The following HDAC9 variants were observed in gnomAD, a reference collection of about 807,000 sequenced individuals.
HDAC9 encodes MEF-2 interacting transcription repressor (MITR) protein.
A neutral mutation model predicts 139.4 loss-of-function variants in HDAC9; 41 were observed. That is an observed-to-expected ratio of 0.29 (90% CI 0.23 to 0.38). The LOEUF is 0.38. HDAC9 is among the 10% of genes least tolerant of loss of function. The pLI, the probability that HDAC9 is intolerant of heterozygous loss-of-function variation, is 1.00. For synonymous variants in HDAC9, 517 were observed against 476.2 expected (o/e 1.09, Z -1.12); for missense variants, 1,147 against 1,297.0 (o/e 0.88, Z 1.78).
rs1171055959 is a variant in HDAC9, at chr7:18,946,036, C to CAAAAAAAAAAAAAAA, written c.2938-8086_2938-8072dup. Among the ~76,000 whole-genome samples, 9 of 38,274 alleles carry CAAAAAAAAAAAAAAA rather than the reference C, an allele frequency of 2.4e-4. 1 individual carries two copies. The highest frequency in any genetic ancestry group is 3.6e-4 in the Non-Finnish European group (7 of 19,556). 25.1% of individuals were successfully genotyped at this position (38,274 alleles called of 152,430 possible). ...TGGGTGATAGTACAAGACTCCGTCT[C>CAAAAAAAAAAAAAAA]AAAAAAAAAAAAAAAAAAAAAAAAA... On this transcript the variant is annotated intron_variant, in intron 23 of 25. Coordinates refer to ENST00000686413, the MANE Select transcript of HDAC9 (RefSeq NM_178425.4).
At chr7:18,441,778 G>T (rs1202896674) in intron 1 of HDAC9, among the ~76,000 whole-genome samples, 1 of 152,036 alleles carries the variant, frequency 6.6e-6, no homozygotes, top group Non-Finnish European at 1.5e-5. Flanking sequence ...TGTTGTTGTT[G>T]TTGTTGTTGA....
intron 2 of HDAC9, among the ~76,000 whole-genome samples, chr7:18,275,117 C>T (rs923294059): frequency 6.6e-6 from 1 of 152,192 alleles, no homozygotes; most frequent in African/African-American, 2.4e-5. Context: ...GCTCTACACA[C>T]AGTGTTTCCC....
intron 1 of HDAC9, among the ~76,000 whole-genome samples, chr7:18,331,494 T>C (rs1045390796): frequency 3.3e-5 from 5 of 151,646 alleles, no homozygotes; most frequent in Admixed American, 6.6e-5. Context: ...TGTAGTAAAA[T>C]GTAACTTTTT....
At chr7:18,610,404 A>G (rs1205784621) in intron 6 of HDAC9, among the ~76,000 whole-genome samples, 4 of 152,212 alleles carry the variant, frequency 2.6e-5, no homozygotes, top group Admixed American at 2.0e-4. Context: ...AATTTTGACA[A>G]TAACCCAGAG....
At chr7:18,087,489 C>T (rs189169383) in intron 1 of HDAC9, among the ~76,000 whole-genome samples, 165 of 152,238 alleles carry the variant, frequency 1.1e-3, no homozygotes, top group African/African-American at 3.8e-3. Context: ...CGGTCGGTGG[C>T]GTGATTCTCT....
At chr7:18,446,449 C>T (rs1792304885) in intron 1 of HDAC9, among the ~76,000 whole-genome samples, 1 of 152,146 alleles carries the variant, frequency 6.6e-6, no homozygotes, top group Non-Finnish European at 1.5e-5. Flanking sequence ...TAGGGATACA[C>T]TTTTGAGTTG....
At chr7:18,849,598 A>G (rs1217395579) in intron 21 of HDAC9, among the ~76,000 whole-genome samples, 1 of 152,226 alleles carries the variant, frequency 6.6e-6, no homozygotes, top group Non-Finnish European at 1.5e-5. Context: ...ACAATTAGCA[A>G]CTAATGGCAG....
intron 1 of HDAC9, among the ~76,000 whole-genome samples, chr7:18,468,549 A>C (rs1340818131): frequency 6.6e-6 from 1 of 151,994 alleles, no homozygotes; most frequent in African/African-American, 2.4e-5. Flanking sequence ...GGCTCAAGTG[A>C]ATCTCCTTCC....
intron 1 of HDAC9, among the ~76,000 whole-genome samples, chr7:18,149,633 C>G (rs1786612800): frequency 6.6e-6 from 1 of 151,974 alleles, no homozygotes; most frequent in African/African-American, 2.4e-5. Flanking sequence ...TCACTGCAGG[C>G]TTCGCCTCCC....
intron 11 of HDAC9, among the ~76,000 whole-genome samples, chr7:18,660,166 G>C (rs944773217): frequency 6.6e-6 from 1 of 152,146 alleles, no homozygotes; most frequent in African/African-American, 2.4e-5. Context: ...ACTTTTGTTT[G>C]TAAGTTTTCC....
chr7:18,553,422 A>G (rs920653184), intron 2 of HDAC9, among the ~76,000 whole-genome samples: 1 of 152,216 alleles, frequency 6.6e-6, no homozygotes, highest in African/African-American at 2.4e-5. Flanking sequence ...AGTAAAAAAT[A>G]AATCATGGCA....
chr7:18,952,815 A>G (rs1782890357), intron 23 of HDAC9, among the ~76,000 whole-genome samples: 2 of 126,696 alleles, frequency 1.6e-5, no homozygotes, highest in Non-Finnish European at 3.5e-5. Flanking sequence ...GGTGGTGGTG[A>G]TGTTTTTTTT....
chr7:18,885,487 C>T (rs1007951656), intron 22 of HDAC9, among the ~76,000 whole-genome samples: 1 of 151,888 alleles, frequency 6.6e-6, no homozygotes, highest in African/African-American at 2.4e-5. Flanking sequence ...TGTTCTCATC[C>T]CTCTGAAACC....
chr7:18,687,197 T>A (rs1782337356), intron 12 of HDAC9, among the ~76,000 whole-genome samples: 1 of 151,824 alleles, frequency 6.6e-6, no homozygotes, highest in South Asian at 2.1e-4. Context: ...ATATACACAT[T>A]TCCTAGGGCA....
At chr7:18,858,195 G>C (rs1298951324) in intron 21 of HDAC9, among the ~76,000 whole-genome samples, 4 of 152,122 alleles carry the variant, frequency 2.6e-5, no homozygotes, top group African/African-American at 4.8e-5. Flanking sequence ...CCACATGGTT[G>C]CATATTTGGA....
intron 16 of HDAC9, among the ~76,000 whole-genome samples, chr7:18,786,535 C>A (rs1460488408): frequency 8.7e-6 from 1 of 115,154 alleles, no homozygotes. Flanking sequence ...TGCTCACATA[C>A]ACTTCCTGTG....
chr7:18,486,696 A>T (rs1034658246), intron 1 of HDAC9, among the ~76,000 whole-genome samples: 16 of 152,248 alleles, frequency 1.1e-4, no homozygotes, highest in Non-Finnish European at 1.8e-4. Flanking sequence ...GTGTTTAATT[A>T]TAGGAAAATA....
chr7:18,863,253 G>T (rs1349625327), intron 21 of HDAC9, among the ~76,000 whole-genome samples: 1 of 152,126 alleles, frequency 6.6e-6, no homozygotes, highest in African/African-American at 2.4e-5. Flanking sequence ...AAAAACCAGA[G>T]AGGGCATCAC....
chr7:18,736,414 T>C (rs1195485398), intron 13 of HDAC9, among the ~76,000 whole-genome samples: 1 of 152,196 alleles, frequency 6.6e-6, no homozygotes, highest in Non-Finnish European at 1.5e-5. Context: ...ATTCCATAAA[T>C]ACCTGATTTA....
Sources: allele counts gnomAD v4.1 joint callset (sites outside exome capture counted in the v4.1 genomes callset), GRCh38; gene constraint gnomAD v4.1.1; transcripts MANE v1.5; gene names NCBI Gene and HGNC (gene_info 2026-07-23, HGNC 2026-07-21).